PPP2R3A: variants seen among roughly 807,000 people sequenced by gnomAD.
PPP2R3A encodes the protein serine/threonine-protein phosphatase 2A regulatory subunit B'' subunit alpha.
Under a neutral mutation model 106.9 loss-of-function variants are expected in PPP2R3A, and 80 were observed. The observed-to-expected ratio is 0.75, with a 90% CI of 0.62 to 0.90. The LOEUF (loss-of-function observed/expected upper bound fraction) is 0.90. Ranked by LOEUF, PPP2R3A falls within the 40% of genes least tolerant of loss-of-function variation. PPP2R3A has a pLI of 0.00. For missense variants in PPP2R3A, 1,386 were observed against 1,350.4 expected (o/e 1.03, Z -0.41); for synonymous variants, 483 against 468.3 (o/e 1.03, Z -0.41).
intron 13 of PPP2R3A, among the ~76,000 whole-genome samples, chr3:136,117,357 G>T (rs562131076): frequency 6.6e-6 from 1 of 152,206 alleles, no homozygotes; most frequent in South Asian, 2.1e-4. Context: ...CAAAAAGCTA[G>T]CAGAAGCCAA....
At chr3:135,974,721 C>T (rs965034767) in intron 1 of PPP2R3A, among the ~76,000 whole-genome samples, 1 of 152,240 alleles carries the variant, frequency 6.6e-6, no homozygotes, top group Admixed American at 6.5e-5. Flanking sequence ...TATCCTCCCA[C>T]CCCAACCCCC....
intron 10 of PPP2R3A, among the ~76,000 whole-genome samples, chr3:136,093,019 G>A (rs1559915969): frequency 6.6e-6 from 1 of 152,156 alleles, no homozygotes; most frequent in Non-Finnish European, 1.5e-5. Context: ...AAATAGAGGA[G>A]TAAATTTTCA....
chr3:135,970,202 C>CCCAG (rs1937204982), intron 1 of PPP2R3A, among the ~76,000 whole-genome samples: 1 of 152,134 alleles, frequency 6.6e-6, no homozygotes, highest in Non-Finnish European at 1.5e-5. Flanking sequence ...AGGGCTCAGG[C>CCCAG]CCAGCATTTT....
Position 136,145,146 on chromosome 3 carries a change from C to A in PPP2R3A, c.3433C>A (p.Gln1145Lys). The A allele has an allele frequency of 1.2e-6, 2 of 1,611,720 alleles. No homozygotes were observed. The highest frequency in any genetic ancestry group is 2.7e-5 in the African/African-American group (2 of 74,928). The change falls in exon 14 of 14, where the codon CAA (glutamine) becomes AAA (lysine). Residue 1145 changes from glutamine (Q) to lysine (K), a missense_variant. Coordinates refer to ENST00000264977, the MANE Select transcript of PPP2R3A (RefSeq NM_002718.5). ...CCTTCCAGAGAAATGTGGAAAGCTTCAATCAGTGGATGAAGAATAGCTGCC... is the reference window on the plus strand; with the variant it reads ...CCTTCCAGAGAAATGTGGAAAGCTTAAATCAGTGGATGAAGAATAGCTGCC... ...ASLPEKCGKL[Q>K]SVDEE is the part of the protein sequence containing the mutation.
At position 136,026,017 on chromosome 3, in the gene PPP2R3A, C is replaced by G. The variant is rs961338705; in HGVS notation, c.1996-815C>G. 2.6e-5 allele frequency among the ~76,000 whole-genome samples: 4 copies of G among 152,130 alleles called. No individual in the cohort carries two copies. The East Asian group carries it at 5.8e-4, about 22-fold the overall frequency. On this transcript the variant is annotated intron_variant, in intron 2 of 13. Coordinates refer to ENST00000264977, the MANE Select transcript of PPP2R3A (RefSeq NM_002718.5). ...CCTAAATCATGGGCAATCTTAATTT[C>G]CTCGTTGCCTCCCTGCCACTCTTTA...
chr3:136,139,124 C>T (rs886760742), intron 13 of PPP2R3A, among the ~76,000 whole-genome samples: 2 of 152,078 alleles, frequency 1.3e-5, no homozygotes, highest in Non-Finnish European at 2.9e-5. Flanking sequence ...AGTCAGAATC[C>T]TGGAAACTGG....
intron 2 of PPP2R3A, among the ~76,000 whole-genome samples, chr3:136,026,294 T>G (rs1216297151): frequency 6.6e-6 from 1 of 152,166 alleles, no homozygotes; most frequent in Middle Eastern, 3.2e-3. Flanking sequence ...GCTTTAATTT[T>G]CTTAACAAAG....
intron 1 of PPP2R3A, among the ~76,000 whole-genome samples, chr3:135,991,529 A>T (rs746539966): frequency 1.3e-5 from 2 of 152,220 alleles, no homozygotes; most frequent in Non-Finnish European, 2.9e-5. Flanking sequence ...AGAAAGCAGT[A>T]GCTTTGCAGA....
chr3:136,021,311 A>G (rs1934455788), intron 2 of PPP2R3A, among the ~76,000 whole-genome samples: 1 of 152,124 alleles, frequency 6.6e-6, no homozygotes, highest in Non-Finnish European at 1.5e-5. Flanking sequence ...GGAACGACTC[A>G]GGATGAAGCA....
chr3:136,108,699 G>GTT (rs142889271), intron 13 of PPP2R3A, among the ~76,000 whole-genome samples: 1,614 of 148,838 alleles, frequency 0.011, 29 homozygotes, highest in African/African-American at 0.038. Flanking sequence ...TTATCATTGG[G>GTT]TTTTTTTTTT....
At chr3:135,992,094 C>G (rs764267380) in intron 1 of PPP2R3A, among the ~76,000 whole-genome samples, 2 of 152,002 alleles carry the variant, frequency 1.3e-5, no homozygotes, top group Non-Finnish European at 2.9e-5. Flanking sequence ...TTGAAGTGGA[C>G]ATGACAAATA....
At chr3:135,990,672 G>A (rs551595879) in intron 1 of PPP2R3A, among the ~76,000 whole-genome samples, 6 of 152,218 alleles carry the variant, frequency 3.9e-5, no homozygotes, top group South Asian at 2.1e-4. Flanking sequence ...AAAGTCTTAC[G>A]TTAGATCCCG....
chr3:135,967,870 G>A (rs1324787909), intron 1 of PPP2R3A, among the ~76,000 whole-genome samples: 2 of 152,304 alleles, frequency 1.3e-5, no homozygotes, highest in East Asian at 3.9e-4. Flanking sequence ...TCTAGTTGTG[G>A]AGGGCTATCA....
chr3:136,137,568 GGCTC>G (rs1389781020), intron 13 of PPP2R3A, among the ~76,000 whole-genome samples: 1 of 19,178 alleles, frequency 5.2e-5, no homozygotes, highest in Non-Finnish European at 1.4e-4. Context: ...TTGAGATGGA[GGCTC>G]GCTCTGTCGC....
At chr3:135,991,161 C>T (rs1284741046) in intron 1 of PPP2R3A, among the ~76,000 whole-genome samples, 7 of 152,104 alleles carry the variant, frequency 4.6e-5, no homozygotes, top group South Asian at 2.1e-4. Context: ...CTGTCCTGCC[C>T]GCTCAGACTG....
At chr3:136,042,256 G>A (rs1935313440) in intron 4 of PPP2R3A, among the ~76,000 whole-genome samples, 1 of 152,112 alleles carries the variant, frequency 6.6e-6, no homozygotes, top group Non-Finnish European at 1.5e-5. Flanking sequence ...GTCTATGTTG[G>A]TGGAGGGTAT....
At position 136,001,693 on chromosome 3, in the gene PPP2R3A, T is replaced by C; in HGVS notation, c.195T>C (p.Asp65=). 1 of 1,614,140 alleles carries C rather than the reference T, an allele frequency of 6.2e-7. No individual in the cohort carries two copies. ...ACATCCCTGTGTCTCAGTTCAAAGA[T>C]GCAGATCTGAACTCTATGTTTCTAC... ...LLHIPVSQFK[D]ADLNSMFLPH... Residue 65 remains aspartate, a synonymous_variant, in exon 2 of 14, where the codon GAT becomes GAC. Coordinates refer to ENST00000264977, the MANE Select transcript of PPP2R3A (RefSeq NM_002718.5).
At chr3:136,012,901 G>A (rs577826475) in intron 2 of PPP2R3A, among the ~76,000 whole-genome samples, 1 of 152,270 alleles carries the variant, frequency 6.6e-6, no homozygotes, top group Non-Finnish European at 1.5e-5. Flanking sequence ...CATCACCTGA[G>A]AAGTGTATAC....
At position 136,001,661 on chromosome 3, in the gene PPP2R3A, C is replaced by G. The variant is rs373873200; in HGVS notation, c.163C>G (p.Leu55Val). The change falls in exon 2 of 14, where the codon CTC (leucine) becomes GTC (valine). Residue 55 changes from leucine to valine, a missense_variant. Physicochemically the swap from Leu to Val is conservative, Grantham distance 32. Transcript: ENST00000264977. ...IVVHHSVCAD[L>V]LHIPVSQFKD... ...GGTACACCATAGTGTTTGTGCAGACCTCTTGCACATCCCTGTGTCTCAGTT... is the reference window on the plus strand; with the variant it reads ...GGTACACCATAGTGTTTGTGCAGACGTCTTGCACATCCCTGTGTCTCAGTT... 15 of 1,614,014 alleles carry G rather than the reference C, an allele frequency of 9.3e-6. No individual in the cohort carries two copies. Among genetic ancestry groups the G allele is most frequent in the East Asian group, 2.2e-5 (1 of 44,894 alleles).
Sources: gnomAD v4.1 joint callset for allele counts (sites outside exome capture counted in the v4.1 genomes callset) on GRCh38, gnomAD v4.1.1 for gene constraint, MANE v1.5 for transcripts, NCBI Gene and HGNC (gene_info 2026-07-23, HGNC 2026-07-21) for gene names.